Variants in ASPG observed in about 807,000 individuals in gnomAD.
ASPG encodes the protein 60 kDa lysophospholipase.
In ASPG, 53 loss-of-function variants were observed where a neutral mutation model predicts 63.2. The ratio of observed to expected loss-of-function variants is 0.84; its 90% CI spans 0.67 to 1.05. The LOEUF (loss-of-function observed/expected upper bound fraction) is 1.05, where lower values mean the gene tolerates loss of function less well. ASPG is among the 50% of genes least tolerant of loss of function. The pLI, the probability that ASPG is intolerant of heterozygous loss-of-function variation, is 0.00. For synonymous variants in ASPG, 370 were observed against 355.0 expected (o/e 1.04, Z -0.48); for missense variants, 741 against 794.4 (o/e 0.93, Z 0.81).
chr14:104,106,763 A>T (rs2037147123), intron 10 of ASPG, 36 bp from the exon 11 acceptor site: 1 of 1,530,650 alleles, frequency 6.5e-7, no homozygotes, highest in Non-Finnish European at 8.9e-7. Flanking sequence ...TGCCAAAGGG[A>T]GGCGTGGGTC....
Position 104,105,359 on chromosome 14 carries a change from C to G in ASPG, c.1082C>G (p.Thr361Arg). ...ACCAAGGACCTTCGGGGGGAGATGA[C>G]GCCACCCTCGGTGGAAGAGCGCCGG... ...LLTKDLRGEM[T>R]PPSVEERRPS... is the part of the protein sequence containing the mutation. Residue 361 changes from threonine to arginine, a missense_variant, in exon 10 of 16, where the codon ACG becomes AGG. Transcript: ENST00000551177. The G allele has an allele frequency of 4.3e-6, 7 of 1,612,608 alleles. No homozygotes were observed. The highest frequency in any genetic ancestry group is 5.9e-6 in the Non-Finnish European group (7 of 1,179,758).
intron 4 of ASPG, among the ~76,000 whole-genome samples, chr14:104,096,455 C>T (rs939877572): frequency 1.2e-4 from 19 of 152,162 alleles, no homozygotes; most frequent in African/African-American, 2.2e-4. Flanking sequence ...TGCCTGGCGC[C>T]GTCTCCCTTG....
chr14:104,098,017 GGTTCTGC>G (rs1312245738), intron 5 of ASPG, among the ~76,000 whole-genome samples: 30 of 121,332 alleles, frequency 2.5e-4, no homozygotes, highest in African/African-American at 5.5e-4. Context: ...TGCGTATGGA[GGTTCTGC>G]GTTAGAGATG....
chr14:104,088,089 C>T (rs1242808350), intron 1 of ASPG, among the ~76,000 whole-genome samples: 2 of 152,226 alleles, frequency 1.3e-5, no homozygotes, highest in Admixed American at 6.5e-5. Flanking sequence ...CAGGAATGGG[C>T]TCCCCCAACC....
Position 104,085,729 on chromosome 14 carries a change from C to T in ASPG, c.-42C>T, listed in dbSNP as rs762654437. On this transcript the variant is annotated 5_prime_UTR_variant, in exon 1 of 16. Coordinates refer to ENST00000551177, the MANE Select transcript of ASPG (RefSeq NM_001080464.3). Reference sequence around the variant, plus strand: ...CCTGAGTCCCGCAGGCCCTGCGTCCCCGCTGCACACCCCCGTCCACTCCCG... The same window carrying T: ...CCTGAGTCCCGCAGGCCCTGCGTCCTCGCTGCACACCCCCGTCCACTCCCG... 1.3e-6 allele frequency: 2 copies of T among 1,510,312 alleles called. No individual in the cohort carries two copies. Among genetic ancestry groups the T allele is most frequent in the South Asian group, 2.5e-5 (2 of 80,132 alleles). The allele number at this position is 1,510,312 out of a possible 1,614,324, so 93.6% of individuals were successfully genotyped here.
intron 4 of ASPG, among the ~76,000 whole-genome samples, chr14:104,096,199 G>A (rs2036588445): frequency 6.6e-6 from 1 of 152,180 alleles, no homozygotes; most frequent in South Asian, 2.1e-4. Context: ...TGGAAAACTG[G>A]ATTTGAGGGG....
chr14:104,110,457 T>C lies in ASPG; in HGVS notation c.1521-1045T>C. ...TGGGGAAACTGAGGCAGTAGTCAGG[T>C]CCTGTGGGAGCTGGGACCAGAACCC... On this transcript the variant is annotated intron_variant, in intron 13 of 15. Coordinates refer to ENST00000551177, the MANE Select transcript of ASPG (RefSeq NM_001080464.3). The surrounding 1 kb of genome is among the most constrained non-coding windows in gnomAD (Gnocchi z 4.7). The C allele has an allele frequency of 1.0e-6, 1 of 985,204 alleles. No individual in the cohort carries two copies. Among genetic ancestry groups the C allele is most frequent in the Non-Finnish European group, 1.2e-6 (1 of 829,848 alleles). 61.0% of individuals were successfully genotyped at this position (985,204 alleles called of 1,614,324 possible). A position where few individuals can be genotyped will look rare whatever the true frequency, so the allele number is the denominator to read the frequency against.
Position 104,109,147 on chromosome 14 carries a change from ATGAG to A in ASPG, c.1434-81_1434-78del. On this transcript the variant is annotated intron_variant, in intron 12 of 15. Transcript: ENST00000551177. The surrounding 1 kb of genome is among the most constrained non-coding windows in gnomAD (Gnocchi z 4.8). Reference sequence around the variant, plus strand: ...CGGTCCCCGTCCCTGTGCACAGGACATGAGCTCTGCTGGCTCCTGAGTGAGGTGC... The same window carrying A: ...CGGTCCCCGTCCCTGTGCACAGGACACTCTGCTGGCTCCTGAGTGAGGTGC... The A allele has an allele frequency of 6.4e-7, 1 of 1,569,818 alleles. No homozygotes were observed.
chr14:104,104,694 G>A lies in ASPG; in HGVS notation c.1009G>A (p.Val337Met). Residue 337 changes from valine (V) to methionine (M), a missense_variant, in exon 9 of 16, where the codon GTG becomes ATG. By Grantham distance (21) the Val-to-Met change is conservative (BLOSUM62 1). Transcript: ENST00000551177. ...GGCCGCCCTGGCCAAGCTATCGTAT[G>A]TGCTGGGCCAGCCAGGGCTGAGCCT... ...SEAALAKLSYVLGQPGLSLDV... is the reference protein window; with the variant it reads ...SEAALAKLSYMLGQPGLSLDV... 6.2e-7 allele frequency: 1 copy of A among 1,610,142 alleles called. No homozygotes were observed. Among genetic ancestry groups the A allele is most frequent in the Non-Finnish European group, 8.5e-7 (1 of 1,178,102 alleles).
At chr14:104,108,572 G>A in intron 12 of ASPG, 1 of 985,454 alleles carries the variant, frequency 1.0e-6, no homozygotes, top group Non-Finnish European at 1.2e-6. Flanking sequence ...GTGCTTTGCA[G>A]GGGTGGGGGC....
At chr14:104,086,710 C>T (rs868205840) in intron 1 of ASPG, among the ~76,000 whole-genome samples, 5 of 152,230 alleles carry the variant, frequency 3.3e-5, no homozygotes, top group South Asian at 4.1e-4. Flanking sequence ...ACAGCCCCCT[C>T]GCCCCGTCTT....
chr14:104,112,563 C>A lies in ASPG; in HGVS notation c.*19C>A. 1 of 1,607,518 alleles carries A rather than the reference C, an allele frequency of 6.2e-7. No individual in the cohort carries two copies. The highest frequency in any genetic ancestry group is 8.5e-7 in the Non-Finnish European group (1 of 1,176,244). ...TGTCTAACCTGAAGGCGTCCTGCTG[C>A]AGTATAAGCCATTCCTTCCTCCCAT... On this transcript the variant is annotated 3_prime_UTR_variant, in exon 16 of 16. Coordinates refer to ENST00000551177, the MANE Select transcript of ASPG (RefSeq NM_001080464.3).
chr14:104,092,640 G>C lies in ASPG; in HGVS notation c.90G>C (p.Val30=), dbSNP rs760625758. ...IGMRSELGVL[V]PGTGLAAILR... is the part of the protein sequence containing the mutation. ...CCTGGACTCTGCCTGCAGTGCTTGTGCCCGGGACGGGCCTGGCTGCCATCC... is the reference window on the plus strand; with the variant it reads ...CCTGGACTCTGCCTGCAGTGCTTGTCCCCGGGACGGGCCTGGCTGCCATCC... The change falls in exon 2 of 16, where the codon GTG becomes GTC. Residue 30 remains valine (V), a synonymous_variant. Coordinates refer to ENST00000551177, the MANE Select transcript of ASPG (RefSeq NM_001080464.3). 2.0e-6 allele frequency: 3 copies of C among 1,535,554 alleles called. No individual in the cohort carries two copies. The highest frequency in any genetic ancestry group is 2.6e-6 in the Non-Finnish European group (3 of 1,146,998).
At chr14:104,107,117 C>G in intron 11 of ASPG, 65 bp from the exon 12 acceptor site, 1 of 1,515,172 alleles carries the variant, frequency 6.6e-7, no homozygotes, top group Non-Finnish European at 8.9e-7. Flanking sequence ...ACCCCACCCT[C>G]CCCATGGCCT....
chr14:104,087,203 T>C (rs2140970613), intron 1 of ASPG, among the ~76,000 whole-genome samples: 1 of 152,302 alleles, frequency 6.6e-6, no homozygotes, highest in African/African-American at 2.4e-5. Context: ...CTGTCCAGGC[T>C]GCCGGGAGCC....
At chr14:104,111,375 C>T (rs1013058448) in intron 13 of ASPG, 127 bp from the exon 14 acceptor site, 5 of 1,034,920 alleles carry the variant, frequency 4.8e-6, no homozygotes, top group Non-Finnish European at 7.0e-6. Context: ...AGGACCAGGT[C>T]GCTGCTGGGT....
rs2037177136 is a variant in ASPG, at chr14:104,107,303, A to G, written c.1391A>G (p.Asp464Gly). ...AGAGGTGTGGACGTGAACACCCGGG[A>G]CACGGATGGCTTCAGCCCGCTGCTG... ...LQRGVDVNTR[D>G]TDGFSPLLLA... Residue 464 changes from aspartate to glycine, a missense_variant, in exon 12 of 16, where the codon GAC (aspartate) becomes GGC (glycine). Physicochemically the swap from Asp to Gly is moderately conservative, Grantham distance 94. Transcript: ENST00000551177. 1 of 1,604,448 alleles carries G rather than the reference A, an allele frequency of 6.2e-7. No individual in the cohort carries two copies. Among genetic ancestry groups the G allele is most frequent in the Admixed American group, 1.7e-5 (1 of 59,214 alleles).
chr14:104,090,021 G>A (rs1243487794), intron 1 of ASPG, among the ~76,000 whole-genome samples: 2 of 151,626 alleles, frequency 1.3e-5, no homozygotes, highest in South Asian at 2.1e-4. Context: ...TGGCCAGGCT[G>A]GTTTTGAACT....
intron 1 of ASPG, among the ~76,000 whole-genome samples, chr14:104,090,690 G>A (rs998470124): frequency 4.6e-5 from 7 of 152,172 alleles, no homozygotes; most frequent in African/African-American, 1.2e-4. Flanking sequence ...TCCCCTCCCC[G>A]TGCCCTGTGG....
Sources: gnomAD v4.1 joint callset for allele counts (sites outside exome capture counted in the v4.1 genomes callset) on GRCh38, gnomAD v4.1.1 for gene constraint, Gnocchi (gnomAD v3.1) non-coding constraint, MANE v1.5 for transcripts, NCBI Gene and HGNC (gene_info 2026-07-23, HGNC 2026-07-21) for gene names.